The following TBCD variants were observed in gnomAD, a reference collection of about 807,000 sequenced individuals.
The protein encoded by TBCD is tubulin-specific chaperone D.
Under a neutral mutation model 169.3 loss-of-function variants are expected in TBCD, and 105 were observed. The ratio of observed to expected loss-of-function variants is 0.62; its 90% CI spans 0.53 to 0.73. The LOEUF is 0.73. Among genes scored for constraint, TBCD ranks in the 30% least tolerant of loss-of-function variants. TBCD has a pLI of 0.00. For synonymous variants in TBCD, 700 were observed against 643.9 expected (o/e 1.09, Z -1.32); for missense variants, 1,444 against 1,600.1 (o/e 0.90, Z 1.66).
rs2053639637 is a variant in TBCD at position 82,832,862 on chromosome 17, T to G, written c.1318+17928T>G. 6.6e-6 allele frequency among the ~76,000 whole-genome samples: 1 copy of G among 152,204 alleles called. No homozygotes were observed. The highest frequency in any genetic ancestry group is 1.5e-5 in the Non-Finnish European group (1 of 68,036). ...TGTTTTCTGTTTTCTGAGTCTGATC[T>G]GAAAGAGTCACCTCGGGGCCTAGAG... On this transcript the variant is annotated intron_variant, in intron 13 of 38. Transcript: ENST00000355528. This position sits in a 1 kb window ranked among gnomAD's most constrained non-coding sequence, Gnocchi z 4.9.
Position 82,903,532 on chromosome 17 carries a change from C to A in TBCD, c.1804+54C>A. 1 of 1,518,344 alleles carries A rather than the reference C, an allele frequency of 6.6e-7. No homozygotes were observed. The highest frequency in any genetic ancestry group is 2.4e-5 in the East Asian group (1 of 40,886). 94.1% of individuals were successfully genotyped at this position (1,518,344 alleles called of 1,614,324 possible). On this transcript the variant is annotated intron_variant, in intron 19 of 38. Transcript: ENST00000355528. The surrounding 1 kb of genome is among the most constrained non-coding windows in gnomAD (Gnocchi z 4.8). ...GCACCATGCATGCACTGCAGAAAGGCCTGGGTTGCTGGTTTCAAAGGCTGG... is the reference window on the plus strand; with the variant it reads ...GCACCATGCATGCACTGCAGAAAGGACTGGGTTGCTGGTTTCAAAGGCTGG...
intron 13 of TBCD, among the ~76,000 whole-genome samples, chr17:82,866,150 C>T (rs190058722): frequency 1.2e-3 from 177 of 152,252 alleles, no homozygotes; most frequent in Non-Finnish European, 1.9e-3. Context: ...CTGTTCCACA[C>T]GCCCCTCCCC....
intron 24 of TBCD, chr17:82,921,090 A>G: frequency 7.9e-6 from 2 of 253,814 alleles, no homozygotes; most frequent in Non-Finnish European, 1.5e-5. Flanking sequence ...CAGCAGCCTC[A>G]GAAGTTAGGA....
At chr17:82,917,024 C>CTTTTTTT (rs66678293) in intron 23 of TBCD, among the ~76,000 whole-genome samples, 2 of 130,886 alleles carry the variant, frequency 1.5e-5, no homozygotes, top group African/African-American at 5.8e-5. Flanking sequence ...CTTTTCTTTT[C>CTTTTTTT]TTTTTTTTTT....
At chr17:82,777,474 C>G (rs11869106) in intron 6 of TBCD, among the ~76,000 whole-genome samples, 10,297 of 152,162 alleles carry the variant, frequency 0.068, 861 homozygotes, top group African/African-American at 0.2. Context: ...TTATTGGATA[C>G]AAGACAAAGG....
chr17:82,818,650 G>T (rs897373512), intron 13 of TBCD, among the ~76,000 whole-genome samples: 1 of 152,224 alleles, frequency 6.6e-6, no homozygotes, highest in Non-Finnish European at 1.5e-5. Context: ...GAGCCAGGAA[G>T]TCTTTCTGGT....
At position 82,832,218 on chromosome 17, in the gene TBCD, G is replaced by T; in HGVS notation, c.1318+17284G>T. Reference sequence around the variant, plus strand: ...AAGAGGCTGGCTTCGCCGTGGCATCGGGCTGGTTGGTTTGCTTGGGGTCTA... The same window carrying T: ...AAGAGGCTGGCTTCGCCGTGGCATCTGGCTGGTTGGTTTGCTTGGGGTCTA... On this transcript the variant is annotated intron_variant, in intron 13 of 38. Coordinates refer to ENST00000355528, the MANE Select transcript of TBCD (RefSeq NM_005993.5). This position sits in a 1 kb window ranked among gnomAD's most constrained non-coding sequence, Gnocchi z 4.9. 6.2e-7 allele frequency: 1 copy of T among 1,614,232 alleles called. No individual in the cohort carries two copies. The highest frequency in any genetic ancestry group is 8.5e-7 in the Non-Finnish European group (1 of 1,180,042).
At chr17:82,897,513 G>A (rs1389247820) in intron 17 of TBCD, among the ~76,000 whole-genome samples, 1 of 43,508 alleles carries the variant, frequency 2.3e-5, no homozygotes, top group Non-Finnish European at 4.7e-5. Context: ...ATGAGACTCC[G>A]TCTCAAAAAA....
Position 82,865,530 on chromosome 17 carries a change from T to G in TBCD, c.1319-4694T>G, listed in dbSNP as rs1024710663. Reference sequence around the variant, plus strand: ...CTCGTGGAGGGTGTGGCGGGCTGTCTGTGCCGCGGGGGTACTCGGCTGCAC... The same window carrying G: ...CTCGTGGAGGGTGTGGCGGGCTGTCGGTGCCGCGGGGGTACTCGGCTGCAC... On this transcript the variant is annotated intron_variant, in intron 13 of 38. Coordinates refer to ENST00000355528, the MANE Select transcript of TBCD (RefSeq NM_005993.5). The G allele has an allele frequency of 1.1e-4, 108 of 985,342 alleles. No individual in the cohort carries two copies. In the African/African-American group the frequency reaches 1.7e-3, roughly 15 times the overall value. 61.0% of individuals were successfully genotyped at this position (985,342 alleles called of 1,614,324 possible).
chr17:82,931,040 A>T (rs2062158695), intron 33 of TBCD, among the ~76,000 whole-genome samples: 1 of 152,186 alleles, frequency 6.6e-6, no homozygotes, highest in African/African-American at 2.4e-5. Context: ...GTTCCTGAGG[A>T]TGGAATGTCA....
chr17:82,820,318 T>C (rs1477931030), intron 13 of TBCD, among the ~76,000 whole-genome samples: 1 of 152,234 alleles, frequency 6.6e-6, no homozygotes, highest in African/African-American at 2.4e-5. Flanking sequence ...GTGCTCCTTA[T>C]TATGCATTTT....
intron 13 of TBCD, among the ~76,000 whole-genome samples, chr17:82,828,334 C>T (rs1296004755): frequency 7.5e-6 from 1 of 133,692 alleles, no homozygotes. Flanking sequence ...ACACACACAC[C>T]CATAGATATG....
intron 15 of TBCD, chr17:82,885,006 C>T (rs1234867864): frequency 6.6e-6 from 1 of 152,312 alleles, no homozygotes; most frequent in Non-Finnish European, 1.5e-5. Context: ...TGGGGTGGGC[C>T]CCACAGTTCC....
intron 11 of TBCD, 30 bp downstream of exon 11, chr17:82,807,698 G>C (rs758723807): frequency 1.6e-4 from 224 of 1,428,940 alleles, no homozygotes; most frequent in Non-Finnish European, 2.0e-4. Context: ...GAAGCACCCC[G>C]GGGGGTGGGC....
At chr17:82,797,853 A>T (rs2050210054) in intron 8 of TBCD, 51 bp downstream of exon 8, 12 of 1,405,510 alleles carry the variant, frequency 8.5e-6, no homozygotes, top group Non-Finnish European at 1.2e-5. Context: ...GTTTGCTCAT[A>T]TACAATCAAG....
At chr17:82,763,943 T>C in intron 2 of TBCD, 22 bp from the exon 3 acceptor site, 1 of 1,601,678 alleles carries the variant, frequency 6.2e-7, no homozygotes, top group Non-Finnish European at 8.6e-7. Context: ...TTACAGTAAA[T>C]GTTTCCTATG....
In TBCD at chr17:82,922,278, T is replaced by C. The variant is rs779724088; in HGVS notation, c.2178+701T>C. Among the ~76,000 whole-genome samples the C allele has an allele frequency of 3.9e-5, 6 of 152,108 alleles. No homozygotes were observed. The highest frequency in any genetic ancestry group is 8.8e-5 in the Non-Finnish European group (6 of 68,030). On this transcript the variant is annotated intron_variant, in intron 25 of 38. Coordinates refer to ENST00000355528, the MANE Select transcript of TBCD (RefSeq NM_005993.5). The surrounding 1 kb of genome is among the most constrained non-coding windows in gnomAD (Gnocchi z 4.1). ...CAAGAGGCTGAGGCAGGAGAATTGC[T>C]TGAACTTGGGAGGCGAAGGTTGCAG...
rs1353326445 is a variant in TBCD at position 82,944,769 on chromosome 17, C to G, written c.*2306C>G. The G allele has an allele frequency of 6.6e-6, 1 of 152,152 alleles. No individual in the cohort carries two copies. Among genetic ancestry groups the G allele is most frequent in the Non-Finnish European group, 1.5e-5 (1 of 68,034 alleles). The allele number at this position is 152,152 out of a possible 1,614,324, so 9.4% of individuals were successfully genotyped here. A position where few individuals can be genotyped will look rare whatever the true frequency, so the allele number is the denominator to read the frequency against. On this transcript the variant is annotated 3_prime_UTR_variant, in exon 39 of 39. Transcript: ENST00000355528. ...ATGTGAGAGCAGAGACCTTGGAGAT[C>G]CTGAGGGTTTCTGCTGAGCCCTGGA...
intron 22 of TBCD, 28 bp downstream of exon 22, chr17:82,909,335 T>C (rs1402677560): frequency 2.0e-6 from 3 of 1,516,094 alleles, no homozygotes; most frequent in African/African-American, 1.4e-5. Context: ...AAAGTTCTTA[T>C]ATCTGTGTCC....
Sources: gnomAD v4.1 joint callset for allele counts (sites outside exome capture counted in the v4.1 genomes callset) on GRCh38, gnomAD v4.1.1 for gene constraint, Gnocchi (gnomAD v3.1) non-coding constraint, MANE v1.5 for transcripts, NCBI Gene and HGNC (gene_info 2026-07-23, HGNC 2026-07-21) for gene names.